The following PIK3C2G variants were observed in gnomAD, a reference collection of about 807,000 sequenced individuals.
PIK3C2G encodes phosphatidylinositol-4-phosphate 3-kinase catalytic subunit type 2 gamma, also known as phosphatidylinositol 3-kinase C2 domain-containing subunit gamma.
A neutral mutation model predicts 181.1 loss-of-function variants in PIK3C2G; 168 were observed. The observed-to-expected ratio is 0.93, with a 90% confidence interval of 0.82 to 1.05. PIK3C2G has a LOEUF of 1.05. PIK3C2G is among the 50% of genes least tolerant of loss of function. PIK3C2G has a pLI of 0.00. For synonymous variants in PIK3C2G, 573 were observed against 592.2 expected (o/e 0.97, Z 0.47); for missense variants, 1,869 against 1,732.8 (o/e 1.08, Z -1.40).
intron 31 of PIK3C2G, among the ~76,000 whole-genome samples, chr12:18,635,183 T>G (rs1401940277): frequency 2.1e-4 from 32 of 152,190 alleles, no homozygotes; most frequent in African/African-American, 7.5e-4. Flanking sequence ...TGCAGAACTA[T>G]CCGTAAACCA....
intron 24 of PIK3C2G, among the ~76,000 whole-genome samples, chr12:18,507,389 T>C (rs1007528833): frequency 5.3e-5 from 8 of 152,110 alleles, no homozygotes; most frequent in Admixed American, 3.9e-4. Context: ...GTGATAAACA[T>C]TGGAGATACA....
intron 31 of PIK3C2G, among the ~76,000 whole-genome samples, chr12:18,621,677 G>C (rs1859737036): frequency 6.6e-6 from 1 of 151,404 alleles, no homozygotes; most frequent in African/African-American, 2.4e-5. Flanking sequence ...TCTCCTTTTT[G>C]TGCTCTCTTA....
chr12:18,588,019 T>C (rs923861133), intron 29 of PIK3C2G, among the ~76,000 whole-genome samples: 1 of 152,090 alleles, frequency 6.6e-6, no homozygotes, highest in South Asian at 2.1e-4. Flanking sequence ...CCCTATTCAA[T>C]ACATGCTGCT....
rs892026834 is a variant in PIK3C2G, at chr12:18,357,441, T to G, written c.1626-5323T>G. On this transcript the variant is annotated intron_variant, in intron 11 of 32. Transcript: ENST00000538779. ...ATTAGCACTATTGTTAGTTATCCTA[T>G]GAATTCATTAAATGTTTAAAAATCT... 3.9e-5 allele frequency among the ~76,000 whole-genome samples: 6 copies of G among 152,166 alleles called. 1 individual carries two copies. Among genetic ancestry groups the G allele is most frequent in the Middle Eastern group, 6.3e-3 (2 of 316 alleles).
At chr12:18,698,858 A>T in the PIK3C2G span, among the ~76,000 whole-genome samples, 2 of 152,120 alleles carry the variant, frequency 1.3e-5, no homozygotes, top group African/African-American at 4.8e-5. Context: ...GCACTATCAA[A>T]TACTATGTCT....
At chr12:18,613,156 G>C (rs147574537) in intron 31 of PIK3C2G, among the ~76,000 whole-genome samples, 2 of 152,172 alleles carry the variant, frequency 1.3e-5, no homozygotes, top group African/African-American at 4.8e-5. Context: ...GTCTCTCCAT[G>C]CATTTTATGC....
chr12:18,292,230 ATATAT>A (rs1565563024), intron 4 of PIK3C2G, among the ~76,000 whole-genome samples: 5 of 98,350 alleles, frequency 5.1e-5, no homozygotes, highest in African/African-American at 1.6e-4. Context: ...AAAAAAAAAT[ATATAT>A]ATATATATAT....
chr12:18,454,112 C>A (rs543148196), intron 18 of PIK3C2G, among the ~76,000 whole-genome samples: 1 of 152,236 alleles, frequency 6.6e-6, no homozygotes, highest in African/African-American at 2.4e-5. Flanking sequence ...GTTAATTCAG[C>A]AGTTATTTAA....
At chr12:18,652,884 C>A (rs1429261168), downstream of PIK3C2G, among the ~76,000 whole-genome samples, 3 of 151,842 alleles carry the variant, frequency 2.0e-5, no homozygotes, top group African/African-American at 7.3e-5. Flanking sequence ...TTACATTGAA[C>A]ATATACATAT....
the PIK3C2G span, among the ~76,000 whole-genome samples, chr12:18,715,111 A>G: frequency 6.9e-6 from 1 of 144,464 alleles, no homozygotes; most frequent in African/African-American, 2.5e-5. Context: ...TAAAACAATT[A>G]TAACACTAAG....
chr12:18,533,338 G>A (rs778307985), intron 24 of PIK3C2G, among the ~76,000 whole-genome samples: 4 of 152,100 alleles, frequency 2.6e-5, no homozygotes, highest in Non-Finnish European at 5.9e-5. Context: ...CAGTCTTCCT[G>A]CTACACAAGG....
At chr12:18,325,511 A>T (rs1951299356) in intron 8 of PIK3C2G, among the ~76,000 whole-genome samples, 1 of 152,086 alleles carries the variant, frequency 6.6e-6, no homozygotes, top group Non-Finnish European at 1.5e-5. Context: ...GATCGAGACC[A>T]TCCTGGCCAA....
chr12:18,333,507 A>G (rs1019813029), intron 8 of PIK3C2G, among the ~76,000 whole-genome samples: 1 of 151,356 alleles, frequency 6.6e-6, no homozygotes, highest in African/African-American at 2.4e-5. Context: ...CCGTTGTTCA[A>G]CTCCCACTTA....
intron 19 of PIK3C2G, among the ~76,000 whole-genome samples, chr12:18,489,640 T>C (rs1592389425): frequency 6.6e-6 from 1 of 152,160 alleles, no homozygotes; most frequent in African/African-American, 2.4e-5. Flanking sequence ...CCTTAAGGCA[T>C]ATAATAGGAT....
chr12:18,646,639 T>C (rs1361372734), intron 32 of PIK3C2G, among the ~76,000 whole-genome samples: 2 of 152,168 alleles, frequency 1.3e-5, no homozygotes, highest in Non-Finnish European at 2.9e-5. Flanking sequence ...TGCTTCTTTT[T>C]GGCATATATT....
chr12:18,473,119 T>C (rs964083332), intron 18 of PIK3C2G, among the ~76,000 whole-genome samples: 1 of 152,142 alleles, frequency 6.6e-6, no homozygotes, highest in Non-Finnish European at 1.5e-5. Flanking sequence ...GCCCTCTCAG[T>C]AGGGCAAATC....
At chr12:18,617,267 T>C (rs1334004053) in intron 31 of PIK3C2G, among the ~76,000 whole-genome samples, 3 of 152,156 alleles carry the variant, frequency 2.0e-5, no homozygotes, top group African/African-American at 2.4e-5. Flanking sequence ...ATTCAACTCA[T>C]TGGAATCCTG....
chr12:18,279,168 T>G (rs961404254), intron 1 of PIK3C2G, among the ~76,000 whole-genome samples: 1 of 152,122 alleles, frequency 6.6e-6, no homozygotes, highest in Non-Finnish European at 1.5e-5. Flanking sequence ...TATGCCTCCT[T>G]TAATCCCTGC....
intron 29 of PIK3C2G, among the ~76,000 whole-genome samples, chr12:18,578,230 G>A (rs1946328435): frequency 6.6e-6 from 1 of 152,164 alleles, no homozygotes; most frequent in African/African-American, 2.4e-5. Context: ...GAAGCTTACA[G>A]TCTGTGTCTA....
Sources: allele counts gnomAD v4.1 joint callset (sites outside exome capture counted in the v4.1 genomes callset), GRCh38; gene constraint gnomAD v4.1.1; transcripts MANE v1.5; gene names NCBI Gene and HGNC (gene_info 2026-07-23, HGNC 2026-07-21).